The following HMGN1 variants were observed in gnomAD, a reference collection of about 807,000 sequenced individuals.
HMGN1 encodes the protein high mobility group nucleosome binding domain 1.
HMGN1 carries 9 observed loss-of-function variants against 18.4 expected under a neutral mutation model. The ratio of observed to expected loss-of-function variants is 0.49; its 90% CI spans 0.29 to 0.85. The LOEUF (loss-of-function observed/expected upper bound fraction) is 0.85. Among genes scored for constraint, HMGN1 ranks in the 40% least tolerant of loss-of-function variants. The probability of loss-of-function intolerance (pLI) is 0.07; values close to 1 mark genes in which losing one functional copy is unlikely to be tolerated. For missense variants in HMGN1, 151 were observed against 119.2 expected (o/e 1.27, Z -1.24); for synonymous variants, 59 against 45.0 (o/e 1.31, Z -1.24).
At chr21:39,345,895 A>G (rs557920147) in intron 4 of HMGN1, 7 of 1,302,372 alleles carry the variant, frequency 5.4e-6, no homozygotes, top group Non-Finnish European at 7.1e-6. Flanking sequence ...CCTTCATATC[A>G]TATAATGAGG....
At chr21:39,347,507 T>G (rs1311590059) in intron 4 of HMGN1, 2 of 1,123,842 alleles carry the variant, frequency 1.8e-6, no homozygotes, top group East Asian at 1.2e-4. Context: ...GGTGAAGGCA[T>G]TAACAAAAAT....
chr21:39,348,088 C>CT, intron 4 of HMGN1: 1 of 896,350 alleles, frequency 1.1e-6, no homozygotes. Flanking sequence ...CTCCTAACAT[C>CT]TGCAGCAGCA....
chr21:39,344,256 CAAAAAAAAAA>C (rs3067491), intron 5 of HMGN1, among the ~76,000 whole-genome samples: 2 of 113,504 alleles, frequency 1.8e-5, no homozygotes, highest in Non-Finnish European at 3.5e-5. Context: ...AATTCCGTCT[CAAAAAAAAAA>C]AAAAAAAAAG....
intron 5 of HMGN1, among the ~76,000 whole-genome samples, 156 bp from the exon 6 acceptor site, chr21:39,343,315 C>G (rs1329033037): frequency 6.6e-6 from 1 of 152,122 alleles, no homozygotes; most frequent in Non-Finnish European, 1.5e-5. Flanking sequence ...ACCCCCTCAC[C>G]CCAAATCAAT....
In HMGN1 at chr21:39,348,521, C is replaced by A. The variant is rs779087890; in HGVS notation, c.48+24G>T. 3.1e-6 allele frequency: 5 copies of A among 1,613,584 alleles called. No homozygotes were observed. In the South Asian group the frequency reaches 5.5e-5, roughly 18 times the overall value. ...CAGCGGCTCACGGGAAACCCACCACCCCCCGCAGAAGGCCCGCACTCACCT... is the reference window on the plus strand; with the variant it reads ...CAGCGGCTCACGGGAAACCCACCACACCCCGCAGAAGGCCCGCACTCACCT... On this transcript the variant is annotated intron_variant, in intron 2 of 5. Coordinates refer to ENST00000380749, the MANE Select transcript of HMGN1 (RefSeq NM_004965.7).
In HMGN1 at chr21:39,348,527, C is replaced by T; in HGVS notation, c.48+18G>A. On this transcript the variant is annotated intron_variant, in intron 2 of 5. Transcript: ENST00000380749. ...CTCACGGGAAACCCACCACCCCCCG[C>T]AGAAGGCCCGCACTCACCTCTTCCT... 1.9e-6 allele frequency: 3 copies of T among 1,613,410 alleles called. No homozygotes were observed. The highest frequency in any genetic ancestry group is 2.5e-6 in the Non-Finnish European group (3 of 1,179,854).
In HMGN1 at chr21:39,342,848, C is replaced by A. The variant is rs1350875214; in HGVS notation, c.*264G>T. The A allele has an allele frequency of 4.8e-6, 7 of 1,453,300 alleles. No individual in the cohort carries two copies. The highest frequency in any genetic ancestry group is 5.5e-6 in the Non-Finnish European group (6 of 1,095,144). 90.0% of individuals were successfully genotyped at this position (1,453,300 alleles called of 1,614,324 possible). A position where few individuals can be genotyped will look rare whatever the true frequency, so the allele number is the denominator to read the frequency against. ...CCATCTGTGGAATGTTAAGCTGACACCCGAGACAGTCAGAGCCTCCCATAA... is the reference window on the plus strand; with the variant it reads ...CCATCTGTGGAATGTTAAGCTGACAACCGAGACAGTCAGAGCCTCCCATAA... On this transcript the variant is annotated 3_prime_UTR_variant, in exon 6 of 6. Transcript: ENST00000380749.
chr21:39,343,198 A>C, intron 5 of HMGN1, 39 bp from the exon 6 acceptor site: 1 of 1,564,082 alleles, frequency 6.4e-7, no homozygotes, highest in Non-Finnish European at 8.7e-7. Context: ...AGCATTTAAC[A>C]CGTTGTCGTT....
chr21:39,347,325 C>A, intron 4 of HMGN1: 1 of 993,970 alleles, frequency 1.0e-6, no homozygotes, highest in Non-Finnish European at 1.3e-6. Context: ...CATTTTTACA[C>A]TCAGCTCTGT....
intron 5 of HMGN1, chr21:39,344,664 A>G (rs1414603377): frequency 6.5e-6 from 1 of 154,246 alleles, no homozygotes; most frequent in African/African-American, 2.4e-5. Flanking sequence ...AGCTTAAAAC[A>G]ATAAAGATTC....
At position 39,342,470 on chromosome 21, in the gene HMGN1, A is replaced by T. The variant is rs2036895232; in HGVS notation, c.*642T>A. Reference sequence around the variant, plus strand: ...ACTTTCCAGCTTAAAATTTGGAAGCAAATTTTCCTTAAGAGGCTATCAAGT... The same window carrying T: ...ACTTTCCAGCTTAAAATTTGGAAGCTAATTTTCCTTAAGAGGCTATCAAGT... On this transcript the variant is annotated 3_prime_UTR_variant, in exon 6 of 6. Coordinates refer to ENST00000380749, the MANE Select transcript of HMGN1 (RefSeq NM_004965.7). The T allele has an allele frequency of 1.0e-5, 2 of 190,826 alleles. No individual in the cohort carries two copies. The highest frequency in any genetic ancestry group is 4.8e-5 in the African/African-American group (2 of 41,608). The allele number at this position is 190,826 out of a possible 1,614,324, so 11.8% of individuals were successfully genotyped here. A position where few individuals can be genotyped will look rare whatever the true frequency, so the allele number is the denominator to read the frequency against.
intron 4 of HMGN1, chr21:39,345,759 C>T (rs2146855876): frequency 1.7e-6 from 2 of 1,182,406 alleles, no homozygotes; most frequent in Middle Eastern, 2.2e-4. Flanking sequence ...TCCCACCCAT[C>T]CCCAAATTTG....
rs780749010 is a variant in HMGN1, at chr21:39,345,318, T to C, written c.127-44A>G. On this transcript the variant is annotated intron_variant, in intron 4 of 5. Transcript: ENST00000380749. Reference sequence around the variant, plus strand: ...ATATTTTAAGTACATGCTTTACTCCTTATTTACATTTTGTTTTACTTTTTC... The same window carrying C: ...ATATTTTAAGTACATGCTTTACTCCCTATTTACATTTTGTTTTACTTTTTC... 6 of 1,570,278 alleles carry C rather than the reference T, an allele frequency of 3.8e-6. No individual in the cohort carries two copies. The African/African-American group carries it at 8.1e-5, about 21-fold the overall frequency.
intron 5 of HMGN1, among the ~76,000 whole-genome samples, 195 bp downstream of exon 5, chr21:39,344,951 C>T (rs2036990449): frequency 6.6e-6 from 1 of 152,146 alleles, no homozygotes; most frequent in South Asian, 2.1e-4. Context: ...CTTAAATAAG[C>T]CATTTACATA....
In HMGN1 at chr21:39,342,326, CTG is replaced by C. The variant is rs1225879929; in HGVS notation, c.*784_*785del. 1.3e-5 allele frequency: 2 copies of C among 148,552 alleles called. No homozygotes were observed. The highest frequency in any genetic ancestry group is 3.9e-4 in the East Asian group (2 of 5,088). 9.2% of individuals were successfully genotyped at this position (148,552 alleles called of 1,614,324 possible). On this transcript the variant is annotated 3_prime_UTR_variant, in exon 6 of 6. Transcript: ENST00000380749. The stretch of plus-strand genomic sequence containing the variant: ...CATGTGCTTCAAAATATTTTCATAA[CTG>C]AGATTTTATTGGTTGAGGATCAGTA...
rs756356697 is a variant in HMGN1, at chr21:39,345,260, G to A, written c.141C>T (p.Asp47=). 2.5e-6 allele frequency: 4 copies of A among 1,612,474 alleles called. No homozygotes were observed. The highest frequency in any genetic ancestry group is 1.1e-5 in the South Asian group (1 of 91,044). ...TTTTCCCTTTTGTTTGCACTTTTTT[G>A]TCTGAAGATTTATCCTATGATAGAA... ...KKAAAKDKSS[D]KKVQTKGKRG... Residue 47 remains aspartate (D), a synonymous_variant, in exon 5 of 6, where the codon GAC becomes GAT. Transcript: ENST00000380749.
intron 4 of HMGN1, chr21:39,347,639 T>C: frequency 3.0e-6 from 1 of 337,558 alleles, no homozygotes; most frequent in Non-Finnish European, 5.9e-6. Flanking sequence ...AGCTTATACT[T>C]GTTTTACACA....
chr21:39,347,915 C>T, intron 4 of HMGN1: 1 of 994,820 alleles, frequency 1.0e-6, no homozygotes, highest in South Asian at 3.5e-5. Flanking sequence ...TAAAAACTTA[C>T]ACGTTCCCTT....
At chr21:39,348,481 G>T (rs202014445) in intron 2 of HMGN1, 30 bp from the exon 3 acceptor site, 2 of 1,614,066 alleles carry the variant, frequency 1.2e-6, no homozygotes, top group Non-Finnish European at 8.5e-7. Context: ...GAGTCAGCGA[G>T]AAGAGAAGGC....
Sources: allele counts gnomAD v4.1 joint callset (sites outside exome capture counted in the v4.1 genomes callset), GRCh38; gene constraint gnomAD v4.1.1; transcripts MANE v1.5; gene names NCBI Gene and HGNC (gene_info 2026-07-23, HGNC 2026-07-21).